VTCN1: variants seen among roughly 807,000 people sequenced by gnomAD.
The protein encoded by VTCN1 is V-set domain containing T cell activation inhibitor 1.
In VTCN1, 26 loss-of-function variants were observed where a neutral mutation model predicts 26.5. The observed-to-expected ratio is 0.98, with a 90% CI of 0.72 to 1.36. The LOEUF is 1.36. VTCN1 is among the 40% of genes most tolerant of loss of function. VTCN1 has a pLI of 0.00. For synonymous variants in VTCN1, 116 were observed against 130.7 expected (o/e 0.89, Z 0.77); for missense variants, 298 against 337.7 (o/e 0.88, Z 0.92).
chr1:117,197,060 T>C (rs760182603), intron 1 of VTCN1, among the ~76,000 whole-genome samples: 2 of 152,204 alleles, frequency 1.3e-5, no homozygotes, highest in Non-Finnish European at 2.9e-5. Context: ...CTACCCATAT[T>C]AAAAAGATTC....
intron 1 of VTCN1, chr1:117,173,266 G>T: frequency 1.4e-6 from 1 of 693,404 alleles, no homozygotes; most frequent in South Asian, 1.6e-5. Flanking sequence ...CACAATTGCA[G>T]ATGTAGTTAG....
At chr1:117,177,312 C>A (rs1199767047) in intron 1 of VTCN1, among the ~76,000 whole-genome samples, 1 of 152,126 alleles carries the variant, frequency 6.6e-6, no homozygotes. Context: ...GTTGTCTACT[C>A]CAGTTTTTGC....
chr1:117,200,645 G>A (rs968596475), intron 1 of VTCN1, among the ~76,000 whole-genome samples: 3 of 152,158 alleles, frequency 2.0e-5, no homozygotes, highest in Non-Finnish European at 4.4e-5. Context: ...CTTTTCCAAA[G>A]TTTGTGTTTA....
chr1:117,168,832 C>A (rs1321962215), intron 2 of VTCN1, among the ~76,000 whole-genome samples: 1 of 152,174 alleles, frequency 6.6e-6, no homozygotes, highest in African/African-American at 2.4e-5. Flanking sequence ...TGGCCTTAAG[C>A]AGTACTCCCA....
At chr1:117,200,207 C>G (rs1187652421) in intron 1 of VTCN1, among the ~76,000 whole-genome samples, 2 of 152,008 alleles carry the variant, frequency 1.3e-5, no homozygotes, top group Non-Finnish European at 2.9e-5. Context: ...TTTTTGAGAC[C>G]AACCTGGACA....
chr1:117,188,977 A>G (rs1648103342), intron 1 of VTCN1, among the ~76,000 whole-genome samples: 1 of 152,240 alleles, frequency 6.6e-6, no homozygotes, highest in African/African-American at 2.4e-5. Context: ...TATAACCCAT[A>G]TAAAGTCCAG....
chr1:117,168,114 GA>G (rs1227920063), intron 2 of VTCN1, among the ~76,000 whole-genome samples: 1 of 151,836 alleles, frequency 6.6e-6, no homozygotes, highest in Non-Finnish European at 1.5e-5. Flanking sequence ...AGAAACATAG[GA>G]AATCAATATT....
intron 1 of VTCN1, among the ~76,000 whole-genome samples, chr1:117,170,497 G>A (rs1024585288): frequency 3.3e-5 from 5 of 152,098 alleles, no homozygotes; most frequent in Non-Finnish European, 5.9e-5. Flanking sequence ...TTAATGCCAG[G>A]TGCCACTTGA....
At chr1:117,204,822 C>T (rs951826334) in intron 1 of VTCN1, among the ~76,000 whole-genome samples, 2 of 144,544 alleles carry the variant, frequency 1.4e-5, no homozygotes, top group Non-Finnish European at 3.0e-5. Flanking sequence ...GCCGAGATCA[C>T]ACCACTGTAC....
At position 117,147,735 on chromosome 1, in the gene VTCN1, C is replaced by G. The variant is rs1256055722; in HGVS notation, c.772G>C (p.Ala258Pro). 1 of 1,614,002 alleles carries G rather than the reference C, an allele frequency of 6.2e-7. No individual in the cohort carries two copies. Among genetic ancestry groups the G allele is most frequent in the Non-Finnish European group, 8.5e-7 (1 of 1,179,946 alleles). ...AAGAAAGAAGAGACACACAGAGAAG[C>G]CTTTGAGTTTAGCAGCTGTAGGTGA... ...RSHLQLLNSK[A>P]SLCVSSFFAI... The change falls in exon 5 of 6, where the codon GCT becomes CCT. Residue 258 changes from alanine (A) to proline (P), a missense_variant. Transcript: ENST00000369458. This position sits in a 1 kb window ranked among gnomAD's most constrained non-coding sequence, Gnocchi z 4.6.
chr1:117,169,857 T>C lies in VTCN1; in HGVS notation c.97+250A>G, dbSNP rs1193691552. On this transcript the variant is annotated intron_variant, in intron 2 of 5. Coordinates refer to ENST00000369458, the MANE Select transcript of VTCN1 (RefSeq NM_024626.4). The surrounding 1 kb of genome is among the most constrained non-coding windows in gnomAD (Gnocchi z 4.0). ...TTGCAGTAAGCTGAGATCATGCCAC[T>C]GCACTCCAACCTGGGCAACAGAGCC... Among the ~76,000 whole-genome samples, 3 of 152,152 alleles carry C rather than the reference T, an allele frequency of 2.0e-5. No individual in the cohort carries two copies. Among genetic ancestry groups the C allele is most frequent in the Non-Finnish European group, 2.9e-5 (2 of 68,034 alleles).
intron 1 of VTCN1, 85 bp from the exon 2 acceptor site, chr1:117,170,256 G>A (rs776126783): frequency 4.7e-6 from 6 of 1,275,788 alleles, no homozygotes; most frequent in Non-Finnish European, 6.8e-6. Flanking sequence ...AATCTGTTGT[G>A]GATAAGATGA....
chr1:117,199,878 C>A (rs1302725308), intron 1 of VTCN1, among the ~76,000 whole-genome samples: 1 of 152,122 alleles, frequency 6.6e-6, no homozygotes, highest in Non-Finnish European at 1.5e-5. Context: ...TTGTGATCCG[C>A]CCACCTCGGC....
chr1:117,174,035 C>T (rs1169374220), intron 1 of VTCN1, among the ~76,000 whole-genome samples: 1 of 146,790 alleles, frequency 6.8e-6, no homozygotes, highest in Non-Finnish European at 1.5e-5. Context: ...GCAGGAACTA[C>T]CAGAGCAGCT....
rs1652655976 is a variant in VTCN1, at chr1:117,167,077, A to G, written c.97+3030T>C. Reference sequence around the variant, plus strand: ...CACTGTACTCCAGCCTGAGCGACAGAGCAAGACTGTCTCAAAAAAAAAAAA... The same window carrying G: ...CACTGTACTCCAGCCTGAGCGACAGGGCAAGACTGTCTCAAAAAAAAAAAA... On this transcript the variant is annotated intron_variant, in intron 2 of 5. Coordinates refer to ENST00000369458, the MANE Select transcript of VTCN1 (RefSeq NM_024626.4). The surrounding 1 kb of genome is among the most constrained non-coding windows in gnomAD (Gnocchi z 4.1). Among the ~76,000 whole-genome samples, 1 of 146,216 alleles carries G rather than the reference A, an allele frequency of 6.8e-6. No homozygotes were observed. The highest frequency in any genetic ancestry group is 1.5e-5 in the Non-Finnish European group (1 of 67,796).
chr1:117,200,439 A>C (rs1648734265), intron 1 of VTCN1, among the ~76,000 whole-genome samples: 1 of 152,162 alleles, frequency 6.6e-6, no homozygotes, highest in South Asian at 2.1e-4. Context: ...ATTGCAGAGT[A>C]GTGTCAAGGA....
intron 1 of VTCN1, among the ~76,000 whole-genome samples, chr1:117,179,612 G>T (rs1185523894): frequency 6.6e-6 from 1 of 152,174 alleles, no homozygotes; most frequent in Non-Finnish European, 1.5e-5. Flanking sequence ...CACACAGGGG[G>T]TGGGAAAAGT....
intron 2 of VTCN1, among the ~76,000 whole-genome samples, chr1:117,162,952 G>A (rs1177946802): frequency 1.3e-5 from 2 of 152,178 alleles, no homozygotes; most frequent in African/African-American, 2.4e-5. Context: ...AGACAGGTTC[G>A]TACATTCCAG....
intron 3 of VTCN1, among the ~76,000 whole-genome samples, chr1:117,154,941 C>G (rs924827250): frequency 6.6e-6 from 1 of 152,092 alleles, no homozygotes; most frequent in Admixed American, 6.6e-5. Flanking sequence ...TCCAGAACAC[C>G]ACCATGCTTT....
Sources: allele counts gnomAD v4.1 joint callset (sites outside exome capture counted in the v4.1 genomes callset), GRCh38; gene constraint gnomAD v4.1.1; non-coding constraint Gnocchi (gnomAD v3.1); transcripts MANE v1.5; gene names NCBI Gene and HGNC (gene_info 2026-07-23, HGNC 2026-07-21).